SEL1L3: variants seen among roughly 807,000 people sequenced by gnomAD.
SEL1L3 encodes the protein protein sel-1 homolog 3.
A neutral mutation model predicts 142.8 loss-of-function variants in SEL1L3; 76 were observed. The ratio of observed to expected loss-of-function variants is 0.53; its 90% CI spans 0.44 to 0.64. SEL1L3 has a LOEUF of 0.64. Among genes scored for constraint, SEL1L3 ranks in the 30% least tolerant of loss-of-function variants. The probability of loss-of-function intolerance (pLI) is 0.00; values close to 1 mark genes in which losing one functional copy is unlikely to be tolerated. For missense variants in SEL1L3, 1,262 were observed against 1,381.7 expected (o/e 0.91, Z 1.37); for synonymous variants, 504 against 519.6 (o/e 0.97, Z 0.41).
Position 25,802,405 on chromosome 4 carries a change from G to A in SEL1L3, c.1834C>T (p.Leu612Phe), listed in dbSNP as rs759014562. The A allele has an allele frequency of 6.2e-7, 1 of 1,613,852 alleles. No homozygotes were observed. Among genetic ancestry groups the A allele is most frequent in the South Asian group, 1.1e-5 (1 of 91,056 alleles). Residue 612 changes from leucine to phenylalanine, a missense_variant, in exon 11 of 24, where the codon CTT becomes TTT. This residue lies in a region of SEL1L3 where 435 missense variants were observed against 559.2 expected (regional missense o/e 0.78). Transcript: ENST00000399878. Reference protein sequence around the residue: ...QGSERLSSMNLGYKHYQGIDN... With the variant: ...QGSERLSSMNFGYKHYQGIDN... ...ATACCCTGGTAGTGTTTATACCCAAGATTCATTGAAGACAGCCTCTCACTC... is the reference window on the plus strand; with the variant it reads ...ATACCCTGGTAGTGTTTATACCCAAAATTCATTGAAGACAGCCTCTCACTC...
chr4:25,817,089 T>A (rs1391225701), intron 9 of SEL1L3, among the ~76,000 whole-genome samples: 1 of 152,260 alleles, frequency 6.6e-6, no homozygotes, highest in Non-Finnish European at 1.5e-5. Context: ...CTCTGAAGTC[T>A]AGCCAAGCAA....
At chr4:25,785,552 A>T (rs1711758056) in intron 13 of SEL1L3, among the ~76,000 whole-genome samples, 1 of 152,246 alleles carries the variant, frequency 6.6e-6, no homozygotes, top group African/African-American at 2.4e-5. Context: ...TAAAGGTTAA[A>T]TTACATATGC....
chr4:25,808,917 A>G (rs1200320617), intron 9 of SEL1L3, among the ~76,000 whole-genome samples: 20 of 149,094 alleles, frequency 1.3e-4, no homozygotes, highest in African/African-American at 2.0e-4. Context: ...AAAAATACAA[A>G]AAAAAATTAG....
chr4:25,722,295 C>T, the SEL1L3 span, among the ~76,000 whole-genome samples: 11 of 152,060 alleles, frequency 7.2e-5, no homozygotes, highest in Non-Finnish European at 1.5e-4. Flanking sequence ...CGAAAGAGGA[C>T]GTTACCTTCA....
intron 11 of SEL1L3, among the ~76,000 whole-genome samples, chr4:25,800,532 TA>T (rs1713102016): frequency 6.6e-6 from 1 of 152,238 alleles, no homozygotes; most frequent in Admixed American, 6.5e-5. Context: ...TTCCTGTTGC[TA>T]ATTTATGCTG....
At chr4:25,777,785 G>A (rs1478542150) in intron 16 of SEL1L3, 1 of 455,690 alleles carries the variant, frequency 2.2e-6, no homozygotes, top group South Asian at 1.6e-5. Context: ...TATCACCAAG[G>A]TCAGGTCAGG....
chr4:25,756,946 G>C, intron 23 of SEL1L3: 1 of 1,269,868 alleles, frequency 7.9e-7, no homozygotes, highest in South Asian at 1.3e-5. Context: ...ATTGTATTAG[G>C]TCAGTTTCTT....
intron 11 of SEL1L3, among the ~76,000 whole-genome samples, chr4:25,796,868 GA>G (rs10708744): frequency 0.32 from 45,016 of 142,284 alleles, 7,551 homozygotes; most frequent in African/African-American, 0.46. Flanking sequence ...CATAAAGACA[GA>G]AAAAAAAAAA....
At chr4:25,791,085 C>G (rs1712301887) in intron 11 of SEL1L3, among the ~76,000 whole-genome samples, 1 of 152,184 alleles carries the variant, frequency 6.6e-6, no homozygotes, top group Admixed American at 6.5e-5. Context: ...TTTCGAAGTC[C>G]ACTTCGTGCA....
chr4:25,718,920 T>C, the SEL1L3 span: 1 of 152,426 alleles, frequency 6.6e-6, no homozygotes, highest in Non-Finnish European at 1.5e-5. Context: ...CTCACGCCTG[T>C]AATCCCAGCA....
At chr4:25,740,719 A>G in the SEL1L3 span, among the ~76,000 whole-genome samples, 1 of 152,158 alleles carries the variant, frequency 6.6e-6, no homozygotes. Context: ...TTACTCTGCC[A>G]CCTGTGCAGT....
intron 1 of SEL1L3, 95 bp from the exon 2 acceptor site, chr4:25,847,959 T>A (rs1716647972): frequency 3.8e-6 from 3 of 790,236 alleles, no homozygotes; most frequent in Non-Finnish European, 6.0e-6. Context: ...GATAAAAAAA[T>A]ATCAATCTAC....
intron 2 of SEL1L3, among the ~76,000 whole-genome samples, chr4:25,838,748 C>G (rs1391133150): frequency 6.6e-6 from 1 of 152,176 alleles, no homozygotes. Context: ...TGGAGTTCAC[C>G]GAGGCCCCCA....
At chr4:25,791,315 T>C (rs1176487436) in intron 11 of SEL1L3, among the ~76,000 whole-genome samples, 1 of 152,252 alleles carries the variant, frequency 6.6e-6, no homozygotes, top group Admixed American at 6.5e-5. Context: ...AGAAAGAATA[T>C]GCTAGAGGCT....
chr4:25,825,977 G>C (rs1560335422), intron 6 of SEL1L3, among the ~76,000 whole-genome samples: 2 of 152,022 alleles, frequency 1.3e-5, no homozygotes, highest in East Asian at 3.9e-4. Context: ...CGGCCGGCCT[G>C]GTCTAAATTC....
chr4:25,848,950 T>A (rs1022981237), intron 1 of SEL1L3, among the ~76,000 whole-genome samples: 6 of 152,244 alleles, frequency 3.9e-5, no homozygotes, highest in African/African-American at 1.4e-4. Context: ...ACCAGCCTGG[T>A]CAACATGGTG....
chr4:25,775,655 G>A (rs77642738), intron 17 of SEL1L3, among the ~76,000 whole-genome samples: 4,301 of 152,222 alleles, frequency 0.028, 95 homozygotes, highest in South Asian at 0.1. Flanking sequence ...TAAAATCTAT[G>A]AGTAACAGCA....
At chr4:25,731,803 T>G in the SEL1L3 span, among the ~76,000 whole-genome samples, 1 of 152,188 alleles carries the variant, frequency 6.6e-6, no homozygotes, top group African/African-American at 2.4e-5. Context: ...CTGGGTGCAG[T>G]GGCTCATGCG....
intron 2 of SEL1L3, among the ~76,000 whole-genome samples, chr4:25,841,970 GATAACCACGTAAA>G (rs1489004009): frequency 6.6e-6 from 1 of 152,056 alleles, no homozygotes; most frequent in Non-Finnish European, 1.5e-5. Context: ...AAAAAAATTA[GATAACCACGTAAA>G]CCACATAAAG....
Sources: gnomAD v4.1 joint callset for allele counts (sites outside exome capture counted in the v4.1 genomes callset) on GRCh38, gnomAD v4.1.1 for gene constraint, gnomAD v4.1.1 regional missense constraint, MANE v1.5 for transcripts, NCBI Gene and HGNC (gene_info 2026-07-23, HGNC 2026-07-21) for gene names.